The following TBC1D9 variants were observed in gnomAD, a reference collection of about 807,000 sequenced individuals.
The protein encoded by TBC1D9 is TBC1 domain family member 9A.
TBC1D9 carries 63 observed loss-of-function variants against 132.0 expected under a neutral mutation model. The observed-to-expected ratio is 0.48, with a 90% CI of 0.39 to 0.59. The LOEUF (loss-of-function observed/expected upper bound fraction) is 0.59, where lower values mean the gene tolerates loss of function less well. TBC1D9 is among the 20% of genes least tolerant of loss of function. The pLI, the probability that TBC1D9 is intolerant of heterozygous loss-of-function variation, is 0.00. For synonymous variants in TBC1D9, 610 were observed against 609.9 expected (o/e 1.00, Z 0.00); for missense variants, 1,261 against 1,592.7 (o/e 0.79, Z 3.54).
intron 1 of TBC1D9, chr4:140,716,081 G>A (rs776604000): frequency 3.3e-5 from 5 of 152,186 alleles, no homozygotes; most frequent in Non-Finnish European, 5.9e-5. Context: ...TTCAATAAAT[G>A]TAAATGACCT....
At chr4:140,707,584 A>G (rs1738168033) in intron 1 of TBC1D9, among the ~76,000 whole-genome samples, 1 of 152,186 alleles carries the variant, frequency 6.6e-6, no homozygotes. Flanking sequence ...TAAGTGATAC[A>G]TTCTCTAGAA....
chr4:140,639,372 C>T lies in TBC1D9; in HGVS notation c.2394G>A (p.Leu798=), dbSNP rs769723370. The part of the protein sequence containing the change: ...LIEQMRFKQR[L]KVIQTLEDTT... ...TATCCTCCAGCGTCTGGATCACTTT[C>T]AGTCTCTGTTTGAATCTCATCTGTT... is the stretch of plus-strand genomic sequence containing the variant. The change falls in exon 14 of 21, where the codon CTG becomes CTA. Residue 798 remains leucine, a synonymous_variant. Transcript: ENST00000442267. 7.4e-6 allele frequency: 12 copies of T among 1,613,232 alleles called. No homozygotes were observed. The highest frequency in any genetic ancestry group is 1.0e-5 in the Non-Finnish European group (12 of 1,179,574).
chr4:140,730,171 T>C (rs1738564924), intron 1 of TBC1D9, among the ~76,000 whole-genome samples: 1 of 152,112 alleles, frequency 6.6e-6, no homozygotes, highest in Admixed American at 6.5e-5. Flanking sequence ...TTTCTAAGAG[T>C]TGAATCCTTG....
chr4:140,665,407 C>A (rs1737428160), intron 9 of TBC1D9, among the ~76,000 whole-genome samples: 1 of 151,898 alleles, frequency 6.6e-6, no homozygotes, highest in South Asian at 2.1e-4. Flanking sequence ...AAAGATAACC[C>A]AATTAAGAGC....
intron 13 of TBC1D9, chr4:140,642,097 G>A (rs1737009611): frequency 2.8e-6 from 2 of 725,486 alleles, no homozygotes; most frequent in African/African-American, 1.7e-5. Context: ...GGGGGTGTGT[G>A]CCAGGCCCTC....
chr4:140,708,276 A>G (rs759532593), intron 1 of TBC1D9, among the ~76,000 whole-genome samples: 17 of 152,236 alleles, frequency 1.1e-4, no homozygotes, highest in Non-Finnish European at 2.1e-4. Context: ...GAAGGCAGCT[A>G]AAAATCCCAT....
intron 1 of TBC1D9, among the ~76,000 whole-genome samples, chr4:140,717,440 CTT>C (rs1371310227): frequency 6.6e-6 from 1 of 152,208 alleles, no homozygotes; most frequent in Non-Finnish European, 1.5e-5. Flanking sequence ...GGCAATGATT[CTT>C]TGTTAATGGC....
chr4:140,668,354 C>A (rs1459660962), intron 9 of TBC1D9, among the ~76,000 whole-genome samples: 1 of 152,200 alleles, frequency 6.6e-6, no homozygotes, highest in East Asian at 1.9e-4. Context: ...TTCCTGGCAT[C>A]TCTGGCTTGA....
rs749353486 is a variant in TBC1D9, at chr4:140,678,996, C to A, written c.797G>T (p.Arg266Leu). The change falls in exon 5 of 21, where the codon CGA becomes CTA. Residue 266 changes from arginine to leucine, a missense_variant. Coordinates refer to ENST00000442267, the MANE Select transcript of TBC1D9 (RefSeq NM_015130.3). ...TTTCCTTTTGAGTTTGGGCAGGGAT[C>A]GATCTTGTTCAAATCCCTCATTGTC... ...LLDNEGFEQD[R>L]SLPKLKRKSP... is the part of the protein sequence containing the mutation. 2.5e-6 allele frequency: 4 copies of A among 1,613,750 alleles called. No homozygotes were observed. The highest frequency in any genetic ancestry group is 2.5e-6 in the Non-Finnish European group (3 of 1,179,858).
At chr4:140,643,856 G>T (rs1434390182) in intron 13 of TBC1D9, 5 of 722,162 alleles carry the variant, frequency 6.9e-6, no homozygotes, top group Admixed American at 5.5e-5. Flanking sequence ...CGCCTGCAGG[G>T]CTCGGGGTAG....
chr4:140,635,952 GTTGGGGATATATTCCGGGAGGGAA>G (rs1389559040), intron 15 of TBC1D9, among the ~76,000 whole-genome samples: 1 of 152,176 alleles, frequency 6.6e-6, no homozygotes, highest in Non-Finnish European at 1.5e-5. Context: ...GCAGCATGGT[GTTGGGGATATATTCCGGGAGGGAA>G]CCCCTTAACC....
At chr4:140,745,356 G>A (rs1315405273) in intron 1 of TBC1D9, among the ~76,000 whole-genome samples, 1 of 152,080 alleles carries the variant, frequency 6.6e-6, no homozygotes, top group African/African-American at 2.4e-5. Context: ...AATTTTAACT[G>A]CTTTTGTATT....
In TBC1D9 at chr4:140,755,916, C is replaced by G. The variant is rs753576508; in HGVS notation, c.130G>C (p.Gly44Arg). 6.4e-7 allele frequency: 1 copy of G among 1,559,750 alleles called. No homozygotes were observed. The highest frequency in any genetic ancestry group is 1.2e-5 in the South Asian group (1 of 85,100). Residue 44 changes from glycine (G) to arginine (R), a missense_variant and splice_region_variant, in exon 1 of 21, where the codon GGC (glycine) becomes CGC (arginine). By Grantham distance (125) the Gly-to-Arg change is moderately radical. Around this residue, in one of 3 missense-constraint regions of TBC1D9, gnomAD observed 550 missense variants for 699.0 expected, o/e 0.79. Transcript: ENST00000442267. ...TGCAGGGATCGGCCACGGTCCTTAC[C>G]CGCCAGTCCGCCGCCGCCGCCTCCA... is the stretch of plus-strand genomic sequence containing the variant. ...GDGGGGGGLA[G>R]LLVGTLDVVL... is the part of the protein sequence containing the mutation.
At chr4:140,643,158 T>C in intron 13 of TBC1D9, 3 of 1,441,198 alleles carry the variant, frequency 2.1e-6, no homozygotes, top group Non-Finnish European at 2.9e-6. Flanking sequence ...CCTCAGCATG[T>C]GGCTGCCGGC....
At chr4:140,689,148 C>T (rs1186179025) in intron 2 of TBC1D9, among the ~76,000 whole-genome samples, 4 of 152,152 alleles carry the variant, frequency 2.6e-5, no homozygotes, top group Admixed American at 2.6e-4. Context: ...TCTCATCTGT[C>T]CCTGCCTACA....
chr4:140,746,295 G>A (rs1223521834), intron 1 of TBC1D9, among the ~76,000 whole-genome samples: 1 of 152,114 alleles, frequency 6.6e-6, no homozygotes, highest in African/African-American at 2.4e-5. Flanking sequence ...ACGAGAAACT[G>A]TCTCCATCTC....
chr4:140,678,859 G>A lies in TBC1D9; in HGVS notation c.851+83C>T, dbSNP rs548032731. On this transcript the variant is annotated intron_variant, in intron 5 of 20. Transcript: ENST00000442267. ...AGAGTGTTCAGAACCCTTGAAGATCGTCAGAGAAGGTTACACTGAATAAAT... is the reference window on the plus strand; with the variant it reads ...AGAGTGTTCAGAACCCTTGAAGATCATCAGAGAAGGTTACACTGAATAAAT... The A allele has an allele frequency of 2.0e-4, 299 of 1,480,658 alleles. 1 individual carries two copies. Among genetic ancestry groups the A allele is most frequent in the Admixed American group, 8.4e-4 (44 of 52,332 alleles). 91.7% of individuals were successfully genotyped at this position (1,480,658 alleles called of 1,614,324 possible). A position where few individuals can be genotyped will look rare whatever the true frequency, so the allele number is the denominator to read the frequency against.
intron 1 of TBC1D9, among the ~76,000 whole-genome samples, chr4:140,754,845 A>G (rs1738984003): frequency 6.6e-6 from 1 of 152,252 alleles, no homozygotes; most frequent in Admixed American, 6.5e-5. Context: ...ATTGTACCAC[A>G]TGACACCTGA....
intron 3 of TBC1D9, 33 bp from the exon 4 acceptor site, chr4:140,679,876 G>T: frequency 6.5e-7 from 1 of 1,542,614 alleles, no homozygotes; most frequent in Non-Finnish European, 8.9e-7. Flanking sequence ...GCACACAACT[G>T]GTATTAATAT....
Sources: gnomAD v4.1 joint callset for allele counts (sites outside exome capture counted in the v4.1 genomes callset) on GRCh38, gnomAD v4.1.1 for gene constraint, gnomAD v4.1.1 regional missense constraint, MANE v1.5 for transcripts, NCBI Gene and HGNC (gene_info 2026-07-23, HGNC 2026-07-21) for gene names.